The following PPP1R9B variants were observed in gnomAD, a reference collection of about 807,000 sequenced individuals.
The protein encoded by PPP1R9B is neurabin-2.
Under a neutral mutation model 75.8 loss-of-function variants are expected in PPP1R9B, and 17 were observed. The observed-to-expected ratio is 0.22, with a 90% CI of 0.15 to 0.34. The LOEUF (loss-of-function observed/expected upper bound fraction) is 0.34. Among genes scored for constraint, PPP1R9B ranks in the 10% least tolerant of loss-of-function variants. The pLI, the probability that PPP1R9B is intolerant of heterozygous loss-of-function variation, is 1.00. For missense variants in PPP1R9B, 875 were observed against 1,196.0 expected (o/e 0.73, Z 3.96); for synonymous variants, 509 against 535.4 (o/e 0.95, Z 0.68).
rs1912372310 is a variant in PPP1R9B at position 50,141,358 on chromosome 17, A to G, written c.1641T>C (p.Asp547=). ...TTGTTCCATCCACCTCCACCAGGAG[A>G]TCATTCACCTGGATCCTAGCGGAGT... ...AHRDGRIQVN[D]LLVEVDGTSL... The change falls in exon 4 of 10, where the codon GAT becomes GAC. Residue 547 remains aspartate, a synonymous_variant. Transcript: ENST00000612501. The G allele has an allele frequency of 1.3e-6, 2 of 1,586,012 alleles. No individual in the cohort carries two copies. The highest frequency in any genetic ancestry group is 1.7e-6 in the Non-Finnish European group (2 of 1,166,742).
chr17:50,150,154 G>C lies in PPP1R9B; in HGVS notation c.360C>G (p.Arg120=), dbSNP rs1170577862. Residue 120 remains arginine, a synonymous_variant, in exon 1 of 10, where the codon CGC becomes CGG. Transcript: ENST00000612501. This position sits in a 1 kb window ranked among gnomAD's most constrained non-coding sequence, Gnocchi z 8.7. ...LLKLGTSVSE[R]VSRFDSKPAP... is the part of the protein sequence containing the mutation. Reference sequence around the variant, plus strand: ...CGGGCTTGGAGTCGAAGCGGCTCACGCGCTCCGACACGCTGGTGCCCAGCT... The same window carrying C: ...CGGGCTTGGAGTCGAAGCGGCTCACCCGCTCCGACACGCTGGTGCCCAGCT... 3.5e-6 allele frequency: 5 copies of C among 1,445,946 alleles called. No homozygotes were observed. The African/African-American group carries it at 5.9e-5, about 17-fold the overall frequency. The allele number at this position is 1,445,946 out of a possible 1,614,324, so 89.6% of individuals were successfully genotyped here. A position where few individuals can be genotyped will look rare whatever the true frequency, so the allele number is the denominator to read the frequency against.
intron 3 of PPP1R9B, among the ~76,000 whole-genome samples, chr17:50,143,037 G>A (rs1266304695): frequency 6.6e-6 from 1 of 152,130 alleles, no homozygotes; most frequent in African/African-American, 2.4e-5. Flanking sequence ...GCTTCCTCCA[G>A]GAAGCCTTCC....
intron 2 of PPP1R9B, 32 bp downstream of exon 2, chr17:50,145,081 T>C: frequency 6.2e-7 from 1 of 1,611,338 alleles, no homozygotes; most frequent in Non-Finnish European, 8.5e-7. Context: ...ACCCCAGCTG[T>C]GCGCAAGTGA....
In PPP1R9B at chr17:50,139,350, C is replaced by G. The variant is rs555508700; in HGVS notation, c.2020-34G>C. The stretch of plus-strand genomic sequence containing the variant: ...CAGAGGGGCAGGCACTCAGCTCCAG[C>G]AGGGTGGGGCAGGCAGTGCCAAGGG... On this transcript the variant is annotated intron_variant, in intron 6 of 9. Coordinates refer to ENST00000612501, the MANE Select transcript of PPP1R9B (RefSeq NM_032595.5). This position sits in a 1 kb window ranked among gnomAD's most constrained non-coding sequence, Gnocchi z 5.0. 3 of 1,613,912 alleles carry G rather than the reference C, an allele frequency of 1.9e-6. No individual in the cohort carries two copies. The highest frequency in any genetic ancestry group is 1.1e-5 in the South Asian group (1 of 91,086).
Position 50,149,505 on chromosome 17 carries a change from T to C in PPP1R9B, c.1009A>G (p.Thr337Ala). The change falls in exon 1 of 10, where the codon ACT becomes GCT. Residue 337 changes from threonine to alanine, a missense_variant. Around this residue, in one of 4 missense-constraint regions of PPP1R9B, gnomAD observed 449 missense variants for 475.0 expected, o/e 0.95. Transcript: ENST00000612501. This position sits in a 1 kb window ranked among gnomAD's most constrained non-coding sequence, Gnocchi z 7.2. ...AALENGSTVATAASPAPEEPK... is the reference protein window; with the variant it reads ...AALENGSTVAAAASPAPEEPK... ...TCCTCGGGCGCGGGGCTGGCTGCAG[T>C]TGCCACGGTGCTGCCATTCTCCAGG... 1 of 1,595,906 alleles carries C rather than the reference T, an allele frequency of 6.3e-7. No individual in the cohort carries two copies. The highest frequency in any genetic ancestry group is 8.5e-7 in the Non-Finnish European group (1 of 1,172,694).
At chr17:50,140,769 A>AG (rs1251033024) in intron 4 of PPP1R9B, among the ~76,000 whole-genome samples, 1 of 152,102 alleles carries the variant, frequency 6.6e-6, no homozygotes, top group Non-Finnish European at 1.5e-5. Context: ...CCCCTCTTGC[A>AG]GGGGGGCAGG....
intron 2 of PPP1R9B, 30 bp downstream of exon 2, chr17:50,145,082 GC>G: frequency 6.2e-7 from 1 of 1,611,502 alleles, no homozygotes. Context: ...CCCCAGCTGT[GC>G]GCAAGTGACG....
rs1912632204 is a variant in PPP1R9B, at chr17:50,149,732, G to A, written c.782C>T (p.Pro261Leu). 1.1e-5 allele frequency: 16 copies of A among 1,407,828 alleles called. No homozygotes were observed. Among genetic ancestry groups the A allele is most frequent in the Non-Finnish European group, 1.5e-5 (16 of 1,090,490 alleles). 87.2% of individuals were successfully genotyped at this position (1,407,828 alleles called of 1,614,324 possible). ...TTTCTCGGCCGGGGCATCCCCCGAC[G>A]GGGCGGGCGGCGGCGGCGGCGGGGG... is the stretch of plus-strand genomic sequence containing the variant. Reference protein sequence around the residue: ...FQPPPPPPPAPSGDAPAEKER... With the variant: ...FQPPPPPPPALSGDAPAEKER... The change falls in exon 1 of 10, where the codon CCG (proline) becomes CTG (leucine). Residue 261 changes from proline to leucine, a missense_variant. By Grantham distance (98) the Pro-to-Leu change is moderately conservative. Transcript: ENST00000612501. The surrounding 1 kb of genome is among the most constrained non-coding windows in gnomAD (Gnocchi z 7.2).
Position 50,145,290 on chromosome 17 carries a change from G to A in PPP1R9B, c.1372-45C>T, listed in dbSNP as rs1449562790. On this transcript the variant is annotated intron_variant, in intron 1 of 9. Coordinates refer to ENST00000612501, the MANE Select transcript of PPP1R9B (RefSeq NM_032595.5). ...GTCAGAGAGGCCGGCAGGAGGACAA[G>A]TGCAGAACTGGCATGAGGAGGCCGA... 3 of 1,608,802 alleles carry A rather than the reference G, an allele frequency of 1.9e-6. No individual in the cohort carries two copies. In the South Asian group the frequency reaches 3.3e-5, roughly 18 times the overall value.
Position 50,149,722 on chromosome 17 carries a change from A to C in PPP1R9B, c.792T>G (p.Asp264Glu). Reference sequence around the variant, plus strand: ...GGCATCGCTCTTTCTCGGCCGGGGCATCCCCCGACGGGGCGGGCGGCGGCG... The same window carrying C: ...GGCATCGCTCTTTCTCGGCCGGGGCCTCCCCCGACGGGGCGGGCGGCGGCG... ...PPPPPPAPSGDAPAEKERCPA... is the reference protein window; with the variant it reads ...PPPPPPAPSGEAPAEKERCPA... The change falls in exon 1 of 10, where the codon GAT becomes GAG. Residue 264 changes from aspartate (D) to glutamate (E), a missense_variant. Physicochemically the swap from Asp to Glu is conservative, Grantham distance 45. This residue lies in a region of PPP1R9B where 449 missense variants were observed against 475.0 expected (regional missense o/e 0.95). Coordinates refer to ENST00000612501, the MANE Select transcript of PPP1R9B (RefSeq NM_032595.5). This position sits in a 1 kb window ranked among gnomAD's most constrained non-coding sequence, Gnocchi z 7.2. 1 of 1,407,560 alleles carries C rather than the reference A, an allele frequency of 7.1e-7. No individual in the cohort carries two copies. The highest frequency in any genetic ancestry group is 9.2e-7 in the Non-Finnish European group (1 of 1,089,660). The allele number at this position is 1,407,560 out of a possible 1,614,324, so 87.2% of individuals were successfully genotyped here.
In PPP1R9B at chr17:50,150,084, G is replaced by T; in HGVS notation, c.430C>A (p.Leu144Met). The change falls in exon 1 of 10, where the codon CTG (leucine) becomes ATG (methionine). Residue 144 changes from leucine to methionine, a missense_variant. Physicochemically the swap from Leu to Met is conservative, Grantham distance 15. Around this residue, in one of 4 missense-constraint regions of PPP1R9B, gnomAD observed 449 missense variants for 475.0 expected, o/e 0.95. Coordinates refer to ENST00000612501, the MANE Select transcript of PPP1R9B (RefSeq NM_032595.5). The surrounding 1 kb of genome is among the most constrained non-coding windows in gnomAD (Gnocchi z 8.7). ...TCGAACAGCTTCCGCGTCTCCTGCA[G>T]CCGGGACGGCGGGTGCGGCGGCGGC... ...PAPPPHPPSR[L>M]QETRKLFERS... 7.1e-7 allele frequency: 1 copy of T among 1,413,458 alleles called. No individual in the cohort carries two copies. The highest frequency in any genetic ancestry group is 9.2e-7 in the Non-Finnish European group (1 of 1,089,698). 87.6% of individuals were successfully genotyped at this position (1,413,458 alleles called of 1,614,324 possible).
chr17:50,150,388 G>T lies in PPP1R9B; in HGVS notation c.126C>A (p.Pro42=). ...CATATTTCTTGTGGTGGGCCCCCTT[G>T]GGTGCCTCGTCGGGCCCGGGCGCGT... ...PPDAPGPDEA[P]KGAHHKKYGS... The change falls in exon 1 of 10, where the codon CCC becomes CCA. Residue 42 remains proline, a synonymous_variant. Coordinates refer to ENST00000612501, the MANE Select transcript of PPP1R9B (RefSeq NM_032595.5). The surrounding 1 kb of genome is among the most constrained non-coding windows in gnomAD (Gnocchi z 8.7). 7.1e-7 allele frequency: 1 copy of T among 1,410,420 alleles called. No individual in the cohort carries two copies. Among genetic ancestry groups the T allele is most frequent in the Non-Finnish European group, 9.2e-7 (1 of 1,081,382 alleles). The allele number at this position is 1,410,420 out of a possible 1,614,324, so 87.4% of individuals were successfully genotyped here. A position where few individuals can be genotyped will look rare whatever the true frequency, so the allele number is the denominator to read the frequency against.
intron 7 of PPP1R9B, among the ~76,000 whole-genome samples, chr17:50,138,601 G>C (rs780121231): frequency 6.6e-6 from 1 of 152,076 alleles, no homozygotes; most frequent in Non-Finnish European, 1.5e-5. Context: ...AGCATGCTTC[G>C]GTATCACAGC....
rs77141149 is a variant in PPP1R9B at position 50,139,607 on chromosome 17, G to C, written c.1867-26C>G. The C allele has an allele frequency of 0.017, 25,317 of 1,523,264 alleles. 250 individuals carry two copies. Among genetic ancestry groups the C allele is most frequent in the Non-Finnish European group, 0.019 (21,681 of 1,135,370 alleles). The allele number at this position is 1,523,264 out of a possible 1,614,324, so 94.4% of individuals were successfully genotyped here. A position where few individuals can be genotyped will look rare whatever the true frequency, so the allele number is the denominator to read the frequency against. ...CTGCGAAGGGAGACCGGAGACTGTG[G>C]GCCCACCCCACCCAGCTGCCCTCAG... On this transcript the variant is annotated intron_variant, in intron 5 of 9. Transcript: ENST00000612501. This position sits in a 1 kb window ranked among gnomAD's most constrained non-coding sequence, Gnocchi z 5.0.
At position 50,135,197 on chromosome 17, in the gene PPP1R9B, G is replaced by A. The variant is rs1912188528; in HGVS notation, c.*134C>T. 1.8e-5 allele frequency: 12 copies of A among 675,336 alleles called. No individual in the cohort carries two copies. The Admixed American group carries it at 2.5e-4, about 14-fold the overall frequency. 41.8% of individuals were successfully genotyped at this position (675,336 alleles called of 1,614,324 possible). A position where few individuals can be genotyped will look rare whatever the true frequency, so the allele number is the denominator to read the frequency against. On this transcript the variant is annotated 3_prime_UTR_variant, in exon 10 of 10. Coordinates refer to ENST00000612501, the MANE Select transcript of PPP1R9B (RefSeq NM_032595.5). ...CCCTCTGGTCCCTGAAGCTGGGGGA[G>A]GTGGGGTGGAGGGGTGGGGGGAGTC...
chr17:50,145,705 A>G (rs561071263), intron 1 of PPP1R9B, among the ~76,000 whole-genome samples: 5 of 151,360 alleles, frequency 3.3e-5, no homozygotes, highest in African/African-American at 1.2e-4. Flanking sequence ...GAGGATGGAG[A>G]AGATGCTGGA....
intron 1 of PPP1R9B, chr17:50,146,142 C>T (rs1357411637): frequency 2.0e-5 from 3 of 152,434 alleles, no homozygotes; most frequent in Non-Finnish European, 2.9e-5. Context: ...TGTTGTCTCT[C>T]TCCAATGTCT....
intron 4 of PPP1R9B, among the ~76,000 whole-genome samples, chr17:50,140,641 A>T (rs1011080788): frequency 1.3e-5 from 2 of 152,244 alleles, no homozygotes; most frequent in East Asian, 3.9e-4. Context: ...AAGGGGCGGG[A>T]TGATGGCAAC....
At chr17:50,136,447 C>T (rs562115907) in intron 7 of PPP1R9B, among the ~76,000 whole-genome samples, 131 of 152,268 alleles carry the variant, frequency 8.6e-4, no homozygotes, top group African/African-American at 3.0e-3. Flanking sequence ...CTGGAGGCTT[C>T]GGTTAGTCAC....
Sources: allele counts gnomAD v4.1 joint callset (sites outside exome capture counted in the v4.1 genomes callset), GRCh38; gene constraint gnomAD v4.1.1; regional missense constraint gnomAD v4.1.1; non-coding constraint Gnocchi (gnomAD v3.1); transcripts MANE v1.5; gene names NCBI Gene and HGNC (gene_info 2026-07-23, HGNC 2026-07-21).